Variants in CCT2 observed in about 807,000 individuals in gnomAD.
The protein encoded by CCT2 is chaperonin containing TCP1 subunit 2.
CCT2 carries 18 observed loss-of-function variants against 61.8 expected under a neutral mutation model. That is an observed-to-expected ratio of 0.29 (90% CI 0.20 to 0.43). The LOEUF (loss-of-function observed/expected upper bound fraction) is 0.43. CCT2 is among the 20% of genes least tolerant of loss of function. CCT2 has a pLI of 1.00. For synonymous variants in CCT2, 248 were observed against 215.9 expected (o/e 1.15, Z -1.30); for missense variants, 556 against 656.9 (o/e 0.85, Z 1.68).
Position 69,598,082 on chromosome 12 carries a change from C to T in CCT2, c.1335+11C>T, listed in dbSNP as rs1355562736. 2 of 1,576,076 alleles carry T rather than the reference C, an allele frequency of 1.3e-6. No individual in the cohort carries two copies. The highest frequency in any genetic ancestry group is 4.5e-5 in the East Asian group (2 of 44,668). On this transcript the variant is annotated intron_variant, in intron 13 of 15. Transcript: ENST00000299300. ...AAAGCACTGAGAATGGTAAGTTAAT[C>T]AAAATGAGAGATCCGAACTTAAGTT...
At chr12:69,591,266 G>T (rs1881827229) in intron 7 of CCT2, among the ~76,000 whole-genome samples, 1 of 152,128 alleles carries the variant, frequency 6.6e-6, no homozygotes. Flanking sequence ...GGCCTAGAAA[G>T]GTAGGTGGTA....
At chr12:69,597,321 A>G (rs1384769103) in intron 11 of CCT2, 46 bp downstream of exon 11, 1 of 1,607,050 alleles carries the variant, frequency 6.2e-7, no homozygotes, top group Non-Finnish European at 8.5e-7. Context: ...AATTCTTGCT[A>G]GGCTCTGTTG....
chr12:69,594,566 A>G (rs1285919055), intron 10 of CCT2, among the ~76,000 whole-genome samples: 2 of 152,198 alleles, frequency 1.3e-5, no homozygotes, highest in Admixed American at 6.5e-5. Flanking sequence ...TCACAATGAC[A>G]TGAGTTCAGG....
chr12:69,593,899 A>G (rs1881909624), intron 10 of CCT2, among the ~76,000 whole-genome samples: 1 of 151,872 alleles, frequency 6.6e-6, no homozygotes, highest in African/African-American at 2.4e-5. Context: ...GCACTTTGGG[A>G]GGCCGAGGCA....
chr12:69,589,511 A>G lies in CCT2; in HGVS notation c.473A>G (p.Asp158Gly). 3 of 1,614,120 alleles carry G rather than the reference A, an allele frequency of 1.9e-6. No homozygotes were observed. The highest frequency in any genetic ancestry group is 2.5e-6 in the Non-Finnish European group (3 of 1,179,974). Residue 158 changes from aspartate to glycine, a missense_variant, in exon 7 of 16, where the codon GAT (aspartate) becomes GGT (glycine). By Grantham distance (94) the Asp-to-Gly change is moderately conservative. This residue lies in a region of CCT2 where 308 missense variants were observed against 350.6 expected (regional missense o/e 0.88). Coordinates refer to ENST00000299300, the MANE Select transcript of CCT2 (RefSeq NM_006431.3). ...TCCGATGAAGTTAAATTCCGTCAAG[A>G]TTTAATGAATATTGCGGGCACAACA... The part of the protein sequence containing the change: ...HGSDEVKFRQ[D>G]LMNIAGTTLS...
At chr12:69,590,559 A>G (rs1447884173) in intron 7 of CCT2, among the ~76,000 whole-genome samples, 1 of 151,334 alleles carries the variant, frequency 6.6e-6, no homozygotes, top group African/African-American at 2.4e-5. Flanking sequence ...ATAGAGAAGG[A>G]AAAAAAAAGA....
chr12:69,585,917 C>A (rs1333590860), intron 1 of CCT2: 11 of 1,266,988 alleles, frequency 8.7e-6, no homozygotes, highest in Non-Finnish European at 1.1e-5. Context: ...AAGATGGAGG[C>A]CGCGTTCCCT....
At position 69,590,719 on chromosome 12, in the gene CCT2, C is replaced by CT. The variant is rs3970807; in HGVS notation, c.649+1047dup. 1.8e-3 allele frequency among the ~76,000 whole-genome samples: 253 copies of CT among 140,046 alleles called. 8 individuals are homozygous for CT. The highest frequency in any genetic ancestry group is 3.8e-3 in the Middle Eastern group (1 of 266). The allele number at this position is 140,046 out of a possible 152,430, so 91.9% of individuals were successfully genotyped here. ...TATATACAAGAGCTGTGTAGCATTT[C>CT]TTTTTTTTTTTTTTTGAGACGGAGT... On this transcript the variant is annotated intron_variant, in intron 7 of 15. Transcript: ENST00000299300.
chr12:69,595,042 G>A (rs1474618223), intron 10 of CCT2, among the ~76,000 whole-genome samples: 2 of 145,304 alleles, frequency 1.4e-5, no homozygotes, highest in South Asian at 2.3e-4. Flanking sequence ...TGAATAGGTT[G>A]GAAAGTTGGT....
intron 2 of CCT2, among the ~76,000 whole-genome samples, 182 bp from the exon 3 acceptor site, chr12:69,586,571 G>A (rs1881666688): frequency 6.6e-6 from 1 of 152,076 alleles, no homozygotes; most frequent in Non-Finnish European, 1.5e-5. Flanking sequence ...GGGAGGCTGA[G>A]GCAGGAGGAT....
Position 69,601,320 on chromosome 12 carries a change from T to G in CCT2, c.1603T>G (p.Cys535Gly). ...GAAACGTGTCCCTGATCACCACCCC[T>G]GTTAAGCATTCCCACGTGCTGTCGA... ...PRKRVPDHHP[C>G] The change falls in exon 16 of 16, where the codon TGT becomes GGT. Residue 535 changes from cysteine to glycine, a missense_variant. By Grantham distance (159) the Cys-to-Gly change is radical (BLOSUM62 -3). Coordinates refer to ENST00000299300, the MANE Select transcript of CCT2 (RefSeq NM_006431.3). 6.2e-7 allele frequency: 1 copy of G among 1,611,326 alleles called. No individual in the cohort carries two copies. Among genetic ancestry groups the G allele is most frequent in the Non-Finnish European group, 8.5e-7 (1 of 1,179,262 alleles).
At chr12:69,590,334 G>A (rs1881797251) in intron 7 of CCT2, among the ~76,000 whole-genome samples, 1 of 151,816 alleles carries the variant, frequency 6.6e-6, no homozygotes, top group Admixed American at 6.6e-5. Context: ...GGGATGACTA[G>A]TTTTTTTTAG....
At position 69,593,009 on chromosome 12, in the gene CCT2, G is replaced by A. The variant is rs868722288; in HGVS notation, c.784G>A (p.Ala262Thr). Residue 262 changes from alanine (A) to threonine (T), a missense_variant, in exon 9 of 16, where the codon GCA becomes ACA. Ala to Thr is a moderately conservative substitution (Grantham distance 58, BLOSUM62 0). Transcript: ENST00000299300. ...TTCCCGGGTAAGAGTTGACTCTACA[G>A]CAAAGGTTGCAGAAATAGAACATGC... ...FGSRVRVDST[A>T]KVAEIEHAEK... 1.9e-6 allele frequency: 3 copies of A among 1,613,430 alleles called. No individual in the cohort carries two copies. Among genetic ancestry groups the A allele is most frequent in the Non-Finnish European group, 2.5e-6 (3 of 1,179,394 alleles).
In CCT2 at chr12:69,585,542, G is replaced by A; in HGVS notation, c.3+18G>A. 1.3e-6 allele frequency: 2 copies of A among 1,571,400 alleles called. No individual in the cohort carries two copies. The highest frequency in any genetic ancestry group is 1.7e-6 in the Non-Finnish European group (2 of 1,157,308). ...GAACCATGGTGAGCCTGACTCCCCT[G>A]CCTCTTGCCCTACCCCTGCTCCGCC... is the stretch of plus-strand genomic sequence containing the variant. On this transcript the variant is annotated intron_variant, in intron 1 of 15. Transcript: ENST00000299300.
chr12:69,587,896 C>A, intron 4 of CCT2, 34 bp from the exon 5 acceptor site: 1 of 1,501,902 alleles, frequency 6.7e-7, no homozygotes, highest in Non-Finnish European at 9.3e-7. Flanking sequence ...AGCAAAGAAG[C>A]AATTTTGAGT....
rs1881885503 is a variant in CCT2, at chr12:69,593,108, GTGTTTGCTTT to G, written c.878+7_878+16del. 1 of 1,606,006 alleles carries G rather than the reference GTGTTTGCTTT, an allele frequency of 6.2e-7. No individual in the cohort carries two copies. Among genetic ancestry groups the G allele is most frequent in the African/African-American group, 1.3e-5 (1 of 74,628 alleles). On this transcript the variant is annotated splice_donor_region_variant and intron_variant, in intron 9 of 15. Transcript: ENST00000299300. ...AATAAATTGCTTTATTAACAGGTCTGTGTTTGCTTTTAAGAAAGGATTTTTTTCCATGAAA... is the reference window on the plus strand; with the variant it reads ...AATAAATTGCTTTATTAACAGGTCTGTAAGAAAGGATTTTTTTCCATGAAA...
At chr12:69,587,144 CT>C (rs1318326483) in intron 3 of CCT2, 9 of 319,946 alleles carry the variant, frequency 2.8e-5, no homozygotes, top group Non-Finnish European at 5.1e-5. Flanking sequence ...TTTTTTGTAG[CT>C]TGCTCTTTTA....
chr12:69,591,920 A>G (rs1388085962), intron 7 of CCT2, 139 bp from the exon 8 acceptor site: 2 of 520,908 alleles, frequency 3.8e-6, no homozygotes, highest in Admixed American at 3.3e-5. Context: ...GCTTGCTTTT[A>G]TGCCTTCTAA....
chr12:69,595,579 T>C (rs899893480), intron 10 of CCT2, among the ~76,000 whole-genome samples: 1 of 150,792 alleles, frequency 6.6e-6, no homozygotes, highest in Admixed American at 6.7e-5. Flanking sequence ...TCGCAGCTAC[T>C]CGGGAGGCTG....
Sources: allele counts gnomAD v4.1 joint callset (sites outside exome capture counted in the v4.1 genomes callset), GRCh38; gene constraint gnomAD v4.1.1; regional missense constraint gnomAD v4.1.1; transcripts MANE v1.5; gene names NCBI Gene and HGNC (gene_info 2026-07-23, HGNC 2026-07-21).